GSTCD: variants seen among roughly 807,000 people sequenced by gnomAD.
GSTCD encodes the protein glutathione S-transferase C-terminal domain containing.
A neutral mutation model predicts 68.3 loss-of-function variants in GSTCD; 44 were observed. The observed-to-expected ratio is 0.64, with a 90% CI of 0.51 to 0.83. The LOEUF (loss-of-function observed/expected upper bound fraction) is 0.83. Among genes scored for constraint, GSTCD ranks in the 40% least tolerant of loss-of-function variants. The pLI is 0.00. For synonymous variants in GSTCD, 273 were observed against 255.2 expected (o/e 1.07, Z -0.67); for missense variants, 739 against 735.9 (o/e 1.00, Z -0.05).
At chr4:105,752,882 C>T (rs571352585) in intron 5 of GSTCD, among the ~76,000 whole-genome samples, 1 of 151,954 alleles carries the variant, frequency 6.6e-6, no homozygotes, top group East Asian at 1.9e-4. Context: ...TTCTGAAAAC[C>T]TTTACCAGCC....
At chr4:105,748,808 A>G (rs1022999985) in intron 5 of GSTCD, among the ~76,000 whole-genome samples, 19 of 151,416 alleles carry the variant, frequency 1.3e-4, no homozygotes, top group African/African-American at 4.4e-4. Flanking sequence ...TTCTGGGAGA[A>G]AGTTAGAGAA....
chr4:105,838,918 T>C (rs1724226631), intron 10 of GSTCD, among the ~76,000 whole-genome samples: 1 of 152,212 alleles, frequency 6.6e-6, no homozygotes, highest in Non-Finnish European at 1.5e-5. Context: ...AGCCCCTATA[T>C]TTTAGGACTT....
intron 8 of GSTCD, among the ~76,000 whole-genome samples, chr4:105,828,942 C>T (rs146930677): frequency 6.6e-6 from 1 of 152,174 alleles, no homozygotes; most frequent in African/African-American, 2.4e-5. Context: ...GAAACTGAAC[C>T]AGAGAGGCAC....
At chr4:105,836,964 G>C (rs1395135142) in intron 9 of GSTCD, among the ~76,000 whole-genome samples, 1 of 152,164 alleles carries the variant, frequency 6.6e-6, no homozygotes, top group African/African-American at 2.4e-5. Flanking sequence ...AGTATCAAAT[G>C]TATAAGTCAA....
At chr4:105,835,904 C>T (rs1724097059) in intron 9 of GSTCD, among the ~76,000 whole-genome samples, 1 of 152,184 alleles carries the variant, frequency 6.6e-6, no homozygotes, top group South Asian at 2.1e-4. Flanking sequence ...CTGCTCAGCT[C>T]TCAGCCGAGA....
chr4:105,721,590 T>C (rs987075703), intron 3 of GSTCD, among the ~76,000 whole-genome samples: 3 of 152,088 alleles, frequency 2.0e-5, no homozygotes, highest in Admixed American at 6.6e-5. Context: ...CCAGTTCTGC[T>C]AAACAGAATA....
At chr4:105,746,103 A>G (rs1273565838) in intron 5 of GSTCD, 2 of 152,172 alleles carry the variant, frequency 1.3e-5, no homozygotes, top group African/African-American at 4.8e-5. Context: ...AAATCTGCAT[A>G]TAACTTTTGA....
At chr4:105,833,246 C>T (rs1243315311) in intron 8 of GSTCD, among the ~76,000 whole-genome samples, 1 of 152,178 alleles carries the variant, frequency 6.6e-6, no homozygotes, top group East Asian at 1.9e-4. Context: ...GGGCGGATCA[C>T]CTGCGGTCGG....
chr4:105,800,600 C>T (rs571234801), intron 5 of GSTCD, among the ~76,000 whole-genome samples: 6 of 152,168 alleles, frequency 3.9e-5, no homozygotes, highest in Admixed American at 2.0e-4. Context: ...ATGTGTATGA[C>T]ACAAAATGCA....
In GSTCD at chr4:105,708,908, C is replaced by G. The variant is rs1339169222; in HGVS notation, c.-130C>G. Reference sequence around the variant, plus strand: ...GCGAGTGGTCTGCGGGCAGCAGCTCCCAGAGGCAGCCTTGGAATTCCAGCT... The same window carrying G: ...GCGAGTGGTCTGCGGGCAGCAGCTCGCAGAGGCAGCCTTGGAATTCCAGCT... On this transcript the variant is annotated 5_prime_UTR_variant, in exon 1 of 12. Transcript: ENST00000515279. The G allele has an allele frequency of 6.5e-6, 1 of 152,704 alleles. No homozygotes were observed. Among genetic ancestry groups the G allele is most frequent in the East Asian group, 1.9e-4 (1 of 5,180 alleles). 9.5% of individuals were successfully genotyped at this position (152,704 alleles called of 1,614,324 possible). A position where few individuals can be genotyped will look rare whatever the true frequency, so the allele number is the denominator to read the frequency against.
intron 5 of GSTCD, among the ~76,000 whole-genome samples, chr4:105,754,118 A>T (rs1018616195): frequency 6.6e-6 from 1 of 152,186 alleles, no homozygotes; most frequent in African/African-American, 2.4e-5. Context: ...GATAAAAATC[A>T]GCTCAACTAT....
chr4:105,790,915 C>T (rs1451464217), intron 5 of GSTCD, among the ~76,000 whole-genome samples: 1 of 151,860 alleles, frequency 6.6e-6, no homozygotes, highest in Non-Finnish European at 1.5e-5. Context: ...ATTGTTTTAT[C>T]ACTGTACTAA....
At chr4:105,765,349 A>G (rs1226230858) in intron 5 of GSTCD, among the ~76,000 whole-genome samples, 1 of 152,194 alleles carries the variant, frequency 6.6e-6, no homozygotes, top group East Asian at 1.9e-4. Context: ...AGAATTTAAC[A>G]TTTAAACATA....
In GSTCD at chr4:105,719,313, C is replaced by A; in HGVS notation, c.680C>A (p.Ser227Tyr). 6.2e-7 allele frequency: 1 copy of A among 1,614,104 alleles called. No homozygotes were observed. The highest frequency in any genetic ancestry group is 8.5e-7 in the Non-Finnish European group (1 of 1,180,000). The change falls in exon 3 of 12, where the codon TCT becomes TAT. Residue 227 changes from serine (S) to tyrosine (Y), a missense_variant. Transcript: ENST00000515279. ...AKSKVHTQET[S>Y]EGLDSSSKSL... ...AGCAAGGTCCACACACAGGAAACAT[C>A]TGAAGGGTTGGATTCTTCATCCAAG...
rs187344671 is a variant in GSTCD at position 105,839,616 on chromosome 4, G to A, written c.1695+1727G>A. On this transcript the variant is annotated intron_variant, in intron 10 of 11. Transcript: ENST00000515279. ...TGCCATTGCATTCCCATTTCAGCCC[G>A]GGTGAGAGAGTGATACTCTGTCTCA... Among the ~76,000 whole-genome samples, 43 of 152,150 alleles carry A rather than the reference G, an allele frequency of 2.8e-4. No homozygotes were observed. The East Asian group carries it at 5.0e-3, about 18-fold the overall frequency.
intron 5 of GSTCD, among the ~76,000 whole-genome samples, chr4:105,789,987 CT>C (rs1735603484): frequency 6.6e-6 from 1 of 151,438 alleles, no homozygotes; most frequent in Non-Finnish European, 1.5e-5. Flanking sequence ...GGATAAATTA[CT>C]TTTAATTCAC....
At chr4:105,732,117 G>A (rs1194477460) in intron 5 of GSTCD, among the ~76,000 whole-genome samples, 2 of 152,160 alleles carry the variant, frequency 1.3e-5, no homozygotes, top group African/African-American at 2.4e-5. Flanking sequence ...GAGGATTTTT[G>A]CATCAATGTT....
At chr4:105,760,653 A>G (rs1046140928) in intron 5 of GSTCD, among the ~76,000 whole-genome samples, 1 of 152,298 alleles carries the variant, frequency 6.6e-6, no homozygotes, top group African/African-American at 2.4e-5. Flanking sequence ...ACCTTAGATT[A>G]AAAAGGAAGA....
chr4:105,806,408 G>A (rs890249882), intron 5 of GSTCD, among the ~76,000 whole-genome samples: 4 of 152,042 alleles, frequency 2.6e-5, no homozygotes, highest in Non-Finnish European at 4.4e-5. Flanking sequence ...TGCCATGTAG[G>A]AGGATTCCAA....
Sources: allele counts gnomAD v4.1 joint callset (sites outside exome capture counted in the v4.1 genomes callset), GRCh38; gene constraint gnomAD v4.1.1; transcripts MANE v1.5; gene names NCBI Gene and HGNC (gene_info 2026-07-23, HGNC 2026-07-21).